LRP1B: variants seen among roughly 807,000 people sequenced by gnomAD.
The protein encoded by LRP1B is LDL receptor related protein 1B, also known as low-density lipoprotein receptor-related protein 1B.
In LRP1B, 217 loss-of-function variants were observed where a neutral mutation model predicts 556.6. The observed-to-expected ratio is 0.39, with a 90% CI of 0.35 to 0.44. The LOEUF is 0.44. LRP1B is among the 20% of genes least tolerant of loss of function. The pLI is 1.00. For missense variants in LRP1B, 5,053 were observed against 5,620.8 expected, an observed-to-expected ratio of 0.90 and a Z score of 3.23; for synonymous variants, 2,047 against 1,865.8, an observed-to-expected ratio of 1.10 and a Z score of -2.50.
At chr2:142,082,227 G>T (rs1159470288) in intron 1 of LRP1B, among the ~76,000 whole-genome samples, 2 of 152,044 alleles carry the variant, frequency 1.3e-5, no homozygotes, top group Non-Finnish European at 2.9e-5. Flanking sequence ...AAGAATGCCT[G>T]AATTACTTCC....
At chr2:141,404,582 C>T (rs186839950) in intron 3 of LRP1B, among the ~76,000 whole-genome samples, 27 of 152,200 alleles carry the variant, frequency 1.8e-4, no homozygotes, top group African/African-American at 6.5e-4. Flanking sequence ...AATAATAAGT[C>T]AGCACAGATA....
At chr2:141,336,539 T>C (rs916409264) in intron 3 of LRP1B, among the ~76,000 whole-genome samples, 4 of 152,188 alleles carry the variant, frequency 2.6e-5, no homozygotes, top group Admixed American at 2.6e-4. Flanking sequence ...TTTTAACTGT[T>C]ATAGTTTAAT....
chr2:142,093,269 C>T (rs1230412933), intron 1 of LRP1B, among the ~76,000 whole-genome samples: 2 of 152,014 alleles, frequency 1.3e-5, no homozygotes, highest in African/African-American at 4.8e-5. Context: ...TTCCTTCTCG[C>T]CTTCCCCCAA....
At chr2:141,056,328 C>T (rs1357974603) in intron 9 of LRP1B, among the ~76,000 whole-genome samples, 1 of 151,690 alleles carries the variant, frequency 6.6e-6, no homozygotes, top group East Asian at 2.0e-4. Flanking sequence ...GGATCATGTC[C>T]ATCAACATGC....
At chr2:140,269,335 G>C (rs1558759919) in intron 86 of LRP1B, 1 of 470,840 alleles carries the variant, frequency 2.1e-6, no homozygotes, top group Non-Finnish European at 4.4e-6. Context: ...TGATCACAAG[G>C]GTTCTCTTTC....
At chr2:141,783,595 C>T (rs915670560) in intron 2 of LRP1B, among the ~76,000 whole-genome samples, 33 of 151,720 alleles carry the variant, frequency 2.2e-4, no homozygotes, top group African/African-American at 8.0e-4. Context: ...TTAGTGTTAT[C>T]TCTTTATGAT....
chr2:140,391,515 ATTTTG>A (rs1684019303), intron 66 of LRP1B, among the ~76,000 whole-genome samples: 1 of 152,138 alleles, frequency 6.6e-6, no homozygotes, highest in South Asian at 2.1e-4. Context: ...TGTGTACTTC[ATTTTG>A]TTTTAATTAA....
intron 85 of LRP1B, 79 bp downstream of exon 85, chr2:140,274,345 G>GT: frequency 7.8e-7 from 1 of 1,290,118 alleles, no homozygotes; most frequent in Non-Finnish European, 1.1e-6. Context: ...AATCTACAAA[G>GT]TTTTTACTAT....
intron 83 of LRP1B, 115 bp downstream of exon 83, chr2:140,314,820 T>C: frequency 1.4e-6 from 1 of 693,620 alleles, no homozygotes; most frequent in Non-Finnish European, 2.3e-6. Context: ...TTATATTGTG[T>C]TAGTCTATTG....
At chr2:141,270,480 A>T (rs1685048282) in intron 3 of LRP1B, among the ~76,000 whole-genome samples, 1 of 152,116 alleles carries the variant, frequency 6.6e-6, no homozygotes, top group African/African-American at 2.4e-5. Context: ...TATTTGTACA[A>T]CCATGCCCAT....
chr2:140,525,251 T>G (rs1690380982), intron 49 of LRP1B, among the ~76,000 whole-genome samples: 2 of 151,854 alleles, frequency 1.3e-5, no homozygotes, highest in Admixed American at 1.3e-4. Flanking sequence ...TTTTTTTAAT[T>G]TCATGTCCTC....
At chr2:141,511,762 A>C (rs1559113340) in intron 2 of LRP1B, among the ~76,000 whole-genome samples, 1 of 152,200 alleles carries the variant, frequency 6.6e-6, no homozygotes, top group Non-Finnish European at 1.5e-5. Flanking sequence ...GCAAATAAAA[A>C]AGGCTTTCTT....
chr2:140,839,591 C>T (rs1692033549), intron 31 of LRP1B, among the ~76,000 whole-genome samples: 1 of 152,194 alleles, frequency 6.6e-6, no homozygotes, highest in Non-Finnish European at 1.5e-5. Flanking sequence ...GACTCTTGGA[C>T]TTAACCAGTG....
At chr2:141,628,807 C>G (rs1274600474) in intron 2 of LRP1B, among the ~76,000 whole-genome samples, 1 of 151,968 alleles carries the variant, frequency 6.6e-6, no homozygotes, top group Non-Finnish European at 1.5e-5. Context: ...GCCACCACAC[C>G]CAGCTAATTT....
intron 2 of LRP1B, among the ~76,000 whole-genome samples, chr2:141,711,813 C>T (rs954570374): frequency 6.6e-6 from 1 of 152,096 alleles, no homozygotes; most frequent in Non-Finnish European, 1.5e-5. Flanking sequence ...AGTTACAACA[C>T]ACTCCATCCA....
intron 2 of LRP1B, among the ~76,000 whole-genome samples, chr2:141,790,085 T>G (rs1197039750): frequency 6.6e-6 from 1 of 151,898 alleles, no homozygotes; most frequent in East Asian, 1.9e-4. Context: ...GATTCATTTT[T>G]CAGGTGTTAA....
chr2:140,551,034 A>T (rs1680529883), intron 43 of LRP1B, among the ~76,000 whole-genome samples: 1 of 152,128 alleles, frequency 6.6e-6, no homozygotes, highest in African/African-American at 2.4e-5. Flanking sequence ...GCTGTCTGAA[A>T]GCCAGGAAGC....
chr2:141,724,247 C>A (rs1273542708), intron 2 of LRP1B, among the ~76,000 whole-genome samples: 1 of 151,810 alleles, frequency 6.6e-6, no homozygotes, highest in Non-Finnish European at 1.5e-5. Flanking sequence ...TATAAGGATT[C>A]ATGTAAGTTG....
At chr2:140,527,319 A>G (rs1466333525) in intron 47 of LRP1B, among the ~76,000 whole-genome samples, 1 of 151,914 alleles carries the variant, frequency 6.6e-6, no homozygotes, top group African/African-American at 2.4e-5. Flanking sequence ...TGATTACATT[A>G]AAGGACAACC....
Sources: gnomAD v4.1 joint callset for allele counts (sites outside exome capture counted in the v4.1 genomes callset) on GRCh38, gnomAD v4.1.1 for gene constraint, MANE v1.5 for transcripts, NCBI Gene and HGNC (gene_info 2026-07-23, HGNC 2026-07-21) for gene names.